NDUFS4: variants seen among roughly 807,000 people sequenced by gnomAD.
NDUFS4 encodes NADH:ubiquinone oxidoreductase subunit S4, also known as NADH dehydrogenase [ubiquinone] iron-sulfur protein 4, mitochondrial.
Under a neutral mutation model 24.3 loss-of-function variants are expected in NDUFS4, and 28 were observed. The ratio of observed to expected loss-of-function variants is 1.15; its 90% CI spans 0.85 to 1.58. NDUFS4 has a LOEUF of 1.58. NDUFS4 is among the 40% of genes most tolerant of loss of function. NDUFS4 has a pLI of 0.00. For missense variants in NDUFS4, 223 were observed against 207.9 expected, an observed-to-expected ratio of 1.07 and a Z score of -0.45; for synonymous variants, 93 against 69.7, an observed-to-expected ratio of 1.34 and a Z score of -1.67.
At chr5:53,664,269 T>A (rs1327956109) in intron 4 of NDUFS4, among the ~76,000 whole-genome samples, 1 of 152,212 alleles carries the variant, frequency 6.6e-6, no homozygotes, top group African/African-American at 2.4e-5. Flanking sequence ...TAACATCTTT[T>A]CCTTCATTTC....
intron 1 of NDUFS4, among the ~76,000 whole-genome samples, chr5:53,586,241 A>G (rs1408638326): frequency 6.7e-6 from 1 of 150,280 alleles, no homozygotes; most frequent in Non-Finnish European, 1.5e-5. Context: ...AGGCAGGAGA[A>G]TCGTATGAAC....
chr5:53,648,083 A>T (rs985119597), intron 3 of NDUFS4, among the ~76,000 whole-genome samples: 1 of 152,192 alleles, frequency 6.6e-6, no homozygotes, highest in African/African-American at 2.4e-5. Context: ...AACCAAAATG[A>T]AACACTTTGC....
intron 4 of NDUFS4, among the ~76,000 whole-genome samples, chr5:53,660,422 C>T (rs1438676659): frequency 6.6e-6 from 1 of 151,942 alleles, no homozygotes; most frequent in Non-Finnish European, 1.5e-5. Context: ...GGCTTGATTC[C>T]AAGTCTTTGC....
chr5:53,645,116 TATA>T (rs1650011003), intron 2 of NDUFS4, among the ~76,000 whole-genome samples: 1 of 152,176 alleles, frequency 6.6e-6, no homozygotes, highest in Admixed American at 6.5e-5. Flanking sequence ...ACAAATTTGG[TATA>T]ATCATTTTTA....
chr5:53,623,389 G>A (rs1393124365), intron 2 of NDUFS4, among the ~76,000 whole-genome samples: 1 of 152,094 alleles, frequency 6.6e-6, no homozygotes, highest in Admixed American at 6.6e-5. Flanking sequence ...GCATCTTTTT[G>A]TGTGTTTATT....
intron 2 of NDUFS4, among the ~76,000 whole-genome samples, chr5:53,617,629 A>T (rs1183120595): frequency 1.3e-5 from 2 of 152,120 alleles, no homozygotes; most frequent in East Asian, 3.8e-4. Flanking sequence ...AAAATGACTA[A>T]GGAGCAACAT....
intron 1 of NDUFS4, among the ~76,000 whole-genome samples, chr5:53,601,290 A>G (rs1750315030): frequency 6.6e-6 from 1 of 152,146 alleles, no homozygotes; most frequent in Non-Finnish European, 1.5e-5. Context: ...GGCATGAGCC[A>G]CCGCGCCCGG....
chr5:53,629,813 T>C (rs1201020334), intron 2 of NDUFS4, among the ~76,000 whole-genome samples: 1 of 152,124 alleles, frequency 6.6e-6, no homozygotes, highest in Non-Finnish European at 1.5e-5. Context: ...AGCACACAAA[T>C]GGGTCTTGAC....
chr5:53,683,189 TGGA>T lies in NDUFS4; in HGVS notation c.497_499del (p.Trp166_Asn167delinsTyr). 6.2e-7 allele frequency: 1 copy of T among 1,611,844 alleles called. No individual in the cohort carries two copies. The highest frequency in any genetic ancestry group is 8.5e-7 in the Non-Finnish European group (1 of 1,178,288). ...CAAGTCTTATGGTGCAAACTTTTCT[TGGA>T]ACAAAAGAACAAGAGTATCCACAAA... On this transcript the variant is annotated inframe_deletion, in exon 5 of 5. Coordinates refer to ENST00000296684, the MANE Select transcript of NDUFS4 (RefSeq NM_002495.4).
intron 1 of NDUFS4, among the ~76,000 whole-genome samples, chr5:53,593,986 C>G (rs1208709824): frequency 6.6e-6 from 1 of 151,992 alleles, no homozygotes; most frequent in African/African-American, 2.4e-5. Context: ...GTGAATGTTT[C>G]ACTTGAGTTT....
intron 1 of NDUFS4, among the ~76,000 whole-genome samples, chr5:53,594,148 T>G (rs767393716): frequency 1.3e-5 from 2 of 152,164 alleles, no homozygotes; most frequent in Non-Finnish European, 2.9e-5. Context: ...AATGTTGAAG[T>G]GTCCCACAAT....
At chr5:53,674,754 G>A (rs1415760973) in intron 4 of NDUFS4, among the ~76,000 whole-genome samples, 4 of 151,904 alleles carry the variant, frequency 2.6e-5, no homozygotes, top group Non-Finnish European at 5.9e-5. Context: ...GAATCAATTT[G>A]GTTAATTGTA....
At chr5:53,569,179 G>A (rs1373491226) in intron 1 of NDUFS4, among the ~76,000 whole-genome samples, 1 of 151,988 alleles carries the variant, frequency 6.6e-6, no homozygotes, top group Non-Finnish European at 1.5e-5. Flanking sequence ...TATACTTACA[G>A]GAATTTGCAT....
chr5:53,610,815 T>G (rs1190077036), intron 2 of NDUFS4, among the ~76,000 whole-genome samples: 1 of 152,184 alleles, frequency 6.6e-6, no homozygotes, highest in Non-Finnish European at 1.5e-5. Flanking sequence ...TCTTTTAAAA[T>G]GTTTTTGCCA....
chr5:53,586,350 C>CAAAA (rs1561344147), intron 1 of NDUFS4, among the ~76,000 whole-genome samples: 1 of 146,430 alleles, frequency 6.8e-6, no homozygotes, highest in Non-Finnish European at 1.5e-5. Flanking sequence ...AAAAAACAAA[C>CAAAA]CAAAACAAAA....
chr5:53,654,459 G>A (rs372714837), intron 3 of NDUFS4, among the ~76,000 whole-genome samples: 1 of 151,752 alleles, frequency 6.6e-6, no homozygotes, highest in Admixed American at 6.6e-5. Flanking sequence ...CAGCTATTTG[G>A]CATTTCTTAC....
intron 4 of NDUFS4, among the ~76,000 whole-genome samples, chr5:53,667,731 A>G (rs1423282057): frequency 6.6e-6 from 1 of 152,204 alleles, no homozygotes; most frequent in African/African-American, 2.4e-5. Context: ...TGTAAAGACT[A>G]CTGGATTAAG....
At chr5:53,608,616 GA>G (rs35385197) in intron 2 of NDUFS4, among the ~76,000 whole-genome samples, 53,249 of 151,984 alleles carry the variant, frequency 0.35, 10,193 homozygotes, top group African/African-American at 0.51. Flanking sequence ...GCTCATGCAT[GA>G]GAAGCAACTT....
At chr5:53,664,710 G>C (rs1300006755) in intron 4 of NDUFS4, among the ~76,000 whole-genome samples, 1 of 152,024 alleles carries the variant, frequency 6.6e-6, no homozygotes, top group Admixed American at 6.6e-5. Context: ...CTCTGCATTG[G>C]TTATTCTAGT....
Sources: allele counts gnomAD v4.1 joint callset (sites outside exome capture counted in the v4.1 genomes callset), GRCh38; gene constraint gnomAD v4.1.1; transcripts MANE v1.5; gene names NCBI Gene and HGNC (gene_info 2026-07-23, HGNC 2026-07-21).